The following COL26A1 variants were observed in gnomAD, a reference collection of about 807,000 sequenced individuals.
COL26A1 encodes collagen alpha-1(XXVI) chain.
COL26A1 carries 41 observed loss-of-function variants against 59.3 expected under a neutral mutation model. That is an observed-to-expected ratio of 0.69 (90% CI 0.54 to 0.90). The LOEUF is 0.90. Ranked by LOEUF, COL26A1 falls within the 40% of genes least tolerant of loss-of-function variation. COL26A1 has a pLI of 0.00. For missense variants in COL26A1, 612 were observed against 602.3 expected (o/e 1.02, Z -0.17); for synonymous variants, 266 against 256.0 (o/e 1.04, Z -0.37).
At chr7:101,488,712 G>T (rs532013707) in intron 3 of COL26A1, among the ~76,000 whole-genome samples, 2 of 152,180 alleles carry the variant, frequency 1.3e-5, no homozygotes, top group East Asian at 3.9e-4. Context: ...AGCCGTGTTA[G>T]GTACCGTCAC....
chr7:101,438,070 C>T (rs1035115010), intron 2 of COL26A1, among the ~76,000 whole-genome samples: 14 of 151,416 alleles, frequency 9.2e-5, no homozygotes, highest in South Asian at 4.2e-4. Flanking sequence ...GCTTTAAAAA[C>T]GTCACTTGGA....
intron 1 of COL26A1, among the ~76,000 whole-genome samples, chr7:101,366,405 A>G (rs1261913973): frequency 6.7e-6 from 1 of 150,232 alleles, no homozygotes; most frequent in African/African-American, 2.4e-5. Context: ...TTGACAGGCA[A>G]TGATGACAGG....
intron 1 of COL26A1, among the ~76,000 whole-genome samples, chr7:101,369,040 G>A (rs1433795463): frequency 7.9e-5 from 12 of 151,976 alleles, no homozygotes; most frequent in Non-Finnish European, 1.5e-5. Context: ...CTTACACAGA[G>A]GTAATATGCT....
intron 1 of COL26A1, among the ~76,000 whole-genome samples, chr7:101,365,703 C>T (rs1297745099): frequency 6.6e-6 from 1 of 152,070 alleles, no homozygotes; most frequent in Non-Finnish European, 1.5e-5. Context: ...GGATCACAGG[C>T]ATGAGCCACT....
intron 2 of COL26A1, among the ~76,000 whole-genome samples, chr7:101,431,950 C>G (rs908634637): frequency 2.0e-5 from 3 of 146,684 alleles, no homozygotes; most frequent in Non-Finnish European, 4.4e-5. Context: ...CACCACCATG[C>G]TTGGCTAATT....
chr7:101,547,366 G>GACCCAGTCCCCA, intron 8 of COL26A1, 127 bp downstream of exon 8: 2 of 588,314 alleles, frequency 3.4e-6, no homozygotes, highest in Non-Finnish European at 6.1e-6. Context: ...GCTGGGGACT[G>GACCCAGTCCCCA]GGTCTGTCCC....
intron 1 of COL26A1, among the ~76,000 whole-genome samples, chr7:101,409,857 T>C (rs1792204258): frequency 6.6e-6 from 1 of 151,774 alleles, no homozygotes; most frequent in Non-Finnish European, 1.5e-5. Context: ...ACCTCCCGGG[T>C]TCATGCCATT....
intron 1 of COL26A1, among the ~76,000 whole-genome samples, chr7:101,419,082 TCCC>T (rs1562970011): frequency 3.0e-4 from 10 of 33,254 alleles, no homozygotes; most frequent in African/African-American, 1.4e-3. Context: ...CCTCCTCCCC[TCCC>T]CTCCCCTCCC....
intron 3 of COL26A1, among the ~76,000 whole-genome samples, chr7:101,515,501 C>T (rs989143027): frequency 1.3e-5 from 2 of 151,820 alleles, no homozygotes; most frequent in Non-Finnish European, 2.9e-5. Flanking sequence ...CCAGGCTGGT[C>T]TGGAACTGCT....
At chr7:101,485,823 C>T (rs1417777847) in intron 3 of COL26A1, among the ~76,000 whole-genome samples, 1 of 152,118 alleles carries the variant, frequency 6.6e-6, no homozygotes, top group East Asian at 1.9e-4. Flanking sequence ...GCCATGTGAC[C>T]TTGGGATTGT....
intron 3 of COL26A1, among the ~76,000 whole-genome samples, chr7:101,516,002 T>A (rs1198297690): frequency 6.6e-6 from 1 of 152,186 alleles, no homozygotes; most frequent in East Asian, 1.9e-4. Flanking sequence ...TAACGCATCG[T>A]GCCCCCTGTG....
At chr7:101,457,740 C>A (rs768003277) in intron 3 of COL26A1, among the ~76,000 whole-genome samples, 2 of 152,142 alleles carry the variant, frequency 1.3e-5, no homozygotes, top group South Asian at 4.1e-4. Flanking sequence ...TGGAACCATA[C>A]AGCATATAAT....
chr7:101,424,206 A>C (rs1309366020), intron 2 of COL26A1, among the ~76,000 whole-genome samples: 1 of 152,184 alleles, frequency 6.6e-6, no homozygotes, highest in East Asian at 1.9e-4. Flanking sequence ...GTCTGAAAAT[A>C]AATAAATAAA....
At position 101,439,420 on chromosome 7, in the gene COL26A1, G is replaced by A. The variant is rs548806899; in HGVS notation, c.282-8264G>A. ...AATACAAAAATTAGCCAGGAGTGGTGGTGCGCACCTGTAATCCCAGCTACT... is the reference window on the plus strand; with the variant it reads ...AATACAAAAATTAGCCAGGAGTGGTAGTGCGCACCTGTAATCCCAGCTACT... On this transcript the variant is annotated intron_variant, in intron 2 of 12. Transcript: ENST00000313669. Among the ~76,000 whole-genome samples, 7 of 152,138 alleles carry A rather than the reference G, an allele frequency of 4.6e-5. No individual in the cohort carries two copies. The South Asian group carries it at 1.5e-3, about 32-fold the overall frequency.
intron 12 of COL26A1, among the ~76,000 whole-genome samples, chr7:101,556,889 CTGAG>C (rs1225252396): frequency 9.8e-6 from 1 of 102,220 alleles, no homozygotes; most frequent in Non-Finnish European, 2.1e-5. Context: ...AAATGAATGA[CTGAG>C]TGGATGGATG....
intron 4 of COL26A1, among the ~76,000 whole-genome samples, chr7:101,536,360 C>G (rs569740250): frequency 5.9e-5 from 9 of 152,216 alleles, no homozygotes; most frequent in Non-Finnish European, 1.3e-4. Flanking sequence ...TGAGAGGCAG[C>G]GGCCTGGAGA....
intron 3 of COL26A1, among the ~76,000 whole-genome samples, chr7:101,451,676 A>G (rs1027052492): frequency 1.3e-5 from 2 of 149,076 alleles, no homozygotes; most frequent in Non-Finnish European, 3.0e-5. Flanking sequence ...CTTTGTGGTT[A>G]TTGTCTCTAC....
chr7:101,388,968 A>G, intron 1 of COL26A1: 1 of 291,656 alleles, frequency 3.4e-6, no homozygotes, highest in Non-Finnish European at 6.6e-6. Flanking sequence ...AATTCCTCTG[A>G]CAAGGACAGG....
intron 1 of COL26A1, among the ~76,000 whole-genome samples, chr7:101,397,243 G>T (rs1331774948): frequency 6.6e-6 from 1 of 152,122 alleles, no homozygotes; most frequent in African/African-American, 2.4e-5. Context: ...TCATTAGATT[G>T]CAGGTCTCCT....
Sources: allele counts gnomAD v4.1 joint callset (sites outside exome capture counted in the v4.1 genomes callset), GRCh38; gene constraint gnomAD v4.1.1; transcripts MANE v1.5; gene names NCBI Gene and HGNC (gene_info 2026-07-23, HGNC 2026-07-21).